Variants in ATG4C observed in about 807,000 individuals in gnomAD.
ATG4C encodes autophagy related 4C cysteine peptidase, also known as cysteine protease ATG4C.
Under a neutral mutation model 57.6 loss-of-function variants are expected in ATG4C, and 56 were observed. The observed-to-expected ratio is 0.97, with a 90% CI of 0.78 to 1.21. The LOEUF (loss-of-function observed/expected upper bound fraction) is 1.21, where lower values mean the gene tolerates loss of function less well. ATG4C is among the 50% of genes most tolerant of loss of function. ATG4C has a pLI of 0.00. For synonymous variants in ATG4C, 157 were observed against 174.1 expected (o/e 0.90, Z 0.78); for missense variants, 595 against 529.8 (o/e 1.12, Z -1.21).
At chr1:62,847,395 A>T (rs965799520) in intron 10 of ATG4C, among the ~76,000 whole-genome samples, 1 of 152,202 alleles carries the variant, frequency 6.6e-6, no homozygotes, top group Non-Finnish European at 1.5e-5. Flanking sequence ...AGTCCAGTGG[A>T]CATTAAACAC....
At chr1:62,806,108 C>G (rs890373048) in intron 3 of ATG4C, among the ~76,000 whole-genome samples, 2 of 152,062 alleles carry the variant, frequency 1.3e-5, no homozygotes, top group Non-Finnish European at 2.9e-5. Context: ...TATAATGTGC[C>G]AAGCAGTATT....
intron 3 of ATG4C, among the ~76,000 whole-genome samples, chr1:62,814,047 A>G (rs919447756): frequency 2.0e-5 from 3 of 152,198 alleles, no homozygotes; most frequent in African/African-American, 7.2e-5. Context: ...CGATTCCTCA[A>G]AGATCTAGAA....
chr1:62,818,017 A>G (rs1180325588), intron 4 of ATG4C, among the ~76,000 whole-genome samples: 1 of 152,126 alleles, frequency 6.6e-6, no homozygotes, highest in African/African-American at 2.4e-5. Flanking sequence ...AGTCTTGTGC[A>G]GTCATGGGCA....
At chr1:62,793,758 A>G (rs1036575206) in intron 1 of ATG4C, among the ~76,000 whole-genome samples, 2 of 152,110 alleles carry the variant, frequency 1.3e-5, no homozygotes, top group Admixed American at 6.5e-5. Context: ...GGTTAATTAT[A>G]CTTTGTTGAT....
At position 62,834,791 on chromosome 1, in the gene ATG4C, A is replaced by G. The variant is rs1665947195; in HGVS notation, c.1028A>G (p.Tyr343Cys). ...FAGFQDDSLI[Y>C]MDPHYCQSFV... ...GTCCTTGTAGATGACAGTTTGATTTACATGGATCCTCATTACTGCCAATCT... is the reference window on the plus strand; with the variant it reads ...GTCCTTGTAGATGACAGTTTGATTTGCATGGATCCTCATTACTGCCAATCT... The change falls in exon 9 of 11, where the codon TAC becomes TGC. Residue 343 changes from tyrosine to cysteine, a missense_variant. By Grantham distance (194) the Tyr-to-Cys change is radical. Coordinates refer to ENST00000317868, the MANE Select transcript of ATG4C (RefSeq NM_032852.4). 1.2e-6 allele frequency: 2 copies of G among 1,611,986 alleles called. No homozygotes were observed. Among genetic ancestry groups the G allele is most frequent in the Non-Finnish European group, 1.7e-6 (2 of 1,178,530 alleles).
chr1:62,841,659 G>A (rs1478736887), intron 10 of ATG4C, 112 bp downstream of exon 10: 1 of 905,726 alleles, frequency 1.1e-6, no homozygotes, highest in Non-Finnish European at 1.6e-6. Flanking sequence ...CCTCTTGAAT[G>A]TTAATATTAT....
At chr1:62,837,968 G>T (rs570889518) in intron 9 of ATG4C, among the ~76,000 whole-genome samples, 1 of 152,098 alleles carries the variant, frequency 6.6e-6, no homozygotes, top group South Asian at 2.1e-4. Flanking sequence ...TTATCAGTAG[G>T]TACTTTTTAC....
intron 1 of ATG4C, among the ~76,000 whole-genome samples, chr1:62,796,074 G>GTAT (rs1270443010): frequency 4.0e-5 from 6 of 151,740 alleles, no homozygotes; most frequent in Non-Finnish European, 7.4e-5. Flanking sequence ...TGACAGAGAA[G>GTAT]ACATCCTATT....
intron 3 of ATG4C, among the ~76,000 whole-genome samples, chr1:62,806,487 CTT>C (rs899058031): frequency 2.6e-5 from 4 of 151,468 alleles, no homozygotes; most frequent in Non-Finnish European, 5.9e-5. Flanking sequence ...AAATTAAAAA[CTT>C]ATTAGAATTA....
rs1167094817 is a variant in ATG4C at position 62,805,239 on chromosome 1, C to T, written c.144C>T (p.Tyr48=). ...NSPVLLLGKC[Y]HFKYEDEDKT... is the part of the protein sequence containing the mutation. ...CTGTATTATTGCTTGGAAAATGTTA[C>T]CATTTTAAATATGAAGGTAAGTACA... The change falls in exon 3 of 11, where the codon TAC becomes TAT. Residue 48 remains tyrosine (Y), a synonymous_variant. Transcript: ENST00000317868. 1.3e-6 allele frequency: 2 copies of T among 1,503,516 alleles called. No homozygotes were observed. The highest frequency in any genetic ancestry group is 1.8e-6 in the Non-Finnish European group (2 of 1,135,540). The allele number at this position is 1,503,516 out of a possible 1,614,324, so 93.1% of individuals were successfully genotyped here.
At chr1:62,811,729 A>G (rs1002876559) in intron 3 of ATG4C, among the ~76,000 whole-genome samples, 22 of 152,100 alleles carry the variant, frequency 1.4e-4, no homozygotes, top group African/African-American at 5.3e-4. Flanking sequence ...ATGATTTAAC[A>G]TCTATCGTTG....
At chr1:62,801,684 C>T (rs1226611431) in intron 1 of ATG4C, among the ~76,000 whole-genome samples, 1 of 151,102 alleles carries the variant, frequency 6.6e-6, no homozygotes, top group African/African-American at 2.4e-5. Flanking sequence ...AGAAGGCCGG[C>T]GCAGTGGCTC....
At chr1:62,804,545 C>T (rs1236566717) in intron 2 of ATG4C, among the ~76,000 whole-genome samples, 1 of 151,928 alleles carries the variant, frequency 6.6e-6, no homozygotes, top group Non-Finnish European at 1.5e-5. Context: ...ATCTCTGTGC[C>T]AGGAAATAAG....
intron 6 of ATG4C, among the ~76,000 whole-genome samples, chr1:62,821,642 G>A (rs1665486541): frequency 6.6e-6 from 1 of 151,924 alleles, no homozygotes; most frequent in South Asian, 2.1e-4. Flanking sequence ...GATTTGCTTT[G>A]TTTTATTGTT....
rs1052285367 is a variant in ATG4C at position 62,809,506 on chromosome 1, C to T, written c.160+4251C>T. On this transcript the variant is annotated intron_variant, in intron 3 of 10. Coordinates refer to ENST00000317868, the MANE Select transcript of ATG4C (RefSeq NM_032852.4). ...ATATATAGTGTATATAATATATAGT[C>T]TACAATTATAATTATATAATTATAA... 3.4e-4 allele frequency among the ~76,000 whole-genome samples: 50 copies of T among 145,578 alleles called. 1 individual carries two copies. The highest frequency in any genetic ancestry group is 9.0e-5 in the Non-Finnish European group (6 of 66,692).
chr1:62,821,027 G>A (rs1003081264), intron 5 of ATG4C, 112 bp from the exon 6 acceptor site: 5 of 724,810 alleles, frequency 6.9e-6, no homozygotes, highest in South Asian at 6.6e-5. Flanking sequence ...GACACTATGA[G>A]TTAAATAGGA....
chr1:62,810,026 A>G (rs1192010736), intron 3 of ATG4C, among the ~76,000 whole-genome samples: 2 of 129,160 alleles, frequency 1.5e-5, no homozygotes, highest in African/African-American at 5.5e-5. Context: ...AATAGAGAAT[A>G]TGTTTAACTT....
intron 4 of ATG4C, among the ~76,000 whole-genome samples, chr1:62,817,038 A>T (rs927763567): frequency 6.6e-6 from 1 of 152,078 alleles, no homozygotes; most frequent in Admixed American, 6.6e-5. Flanking sequence ...ATGCAGGTTA[A>T]ATATACCTGT....
intron 1 of ATG4C, among the ~76,000 whole-genome samples, chr1:62,793,182 G>A (rs1194223630): frequency 6.6e-6 from 1 of 151,224 alleles, no homozygotes; most frequent in Non-Finnish European, 1.5e-5. Context: ...CACCGCGCCC[G>A]GCCATGATTT....
Sources: allele counts gnomAD v4.1 joint callset (sites outside exome capture counted in the v4.1 genomes callset), GRCh38; gene constraint gnomAD v4.1.1; transcripts MANE v1.5; gene names NCBI Gene and HGNC (gene_info 2026-07-23, HGNC 2026-07-21).